PTPRM: variants seen among roughly 807,000 people sequenced by gnomAD.
PTPRM encodes protein tyrosine phosphatase receptor type M, also known as receptor-type tyrosine-protein phosphatase mu.
In PTPRM, 47 loss-of-function variants were observed where a neutral mutation model predicts 186.7. That is an observed-to-expected ratio of 0.25 (90% CI 0.20 to 0.32). The LOEUF is 0.32. Ranked by LOEUF, PTPRM falls within the 10% of genes least tolerant of loss-of-function variation. The probability of loss-of-function intolerance (pLI) is 1.00; values close to 1 mark genes in which losing one functional copy is unlikely to be tolerated. For missense variants in PTPRM, 1,494 were observed against 1,865.0 expected (o/e 0.80, Z 3.66); for synonymous variants, 668 against 674.9 (o/e 0.99, Z 0.16).
At chr18:7,952,811 G>C (rs896779128) in intron 6 of PTPRM, among the ~76,000 whole-genome samples, 1 of 152,122 alleles carries the variant, frequency 6.6e-6, no homozygotes, top group African/African-American at 2.4e-5. Flanking sequence ...TTCGAGACCA[G>C]CCCGGCCAAC....
At chr18:7,696,818 A>G (rs1598391244) in intron 1 of PTPRM, among the ~76,000 whole-genome samples, 1 of 152,326 alleles carries the variant, frequency 6.6e-6, no homozygotes, top group East Asian at 1.9e-4. Flanking sequence ...ACAGAACCAA[A>G]TGACATAGTA....
At chr18:8,121,803 A>G (rs1320963946) in intron 13 of PTPRM, 1 of 152,246 alleles carries the variant, frequency 6.6e-6, no homozygotes, top group African/African-American at 2.4e-5. Context: ...GATTTCAACA[A>G]TAGAATGTTG....
intron 22 of PTPRM, among the ~76,000 whole-genome samples, chr18:8,342,125 G>T (rs1423476494): frequency 6.6e-6 from 1 of 152,186 alleles, no homozygotes; most frequent in South Asian, 2.1e-4. Flanking sequence ...GGAGGAAGGA[G>T]AAGAAACATT....
intron 14 of PTPRM, among the ~76,000 whole-genome samples, chr18:8,242,024 C>T (rs750440535): frequency 5.2e-4 from 79 of 152,194 alleles, no homozygotes; most frequent in Non-Finnish European, 8.4e-4. Flanking sequence ...TTTTCCAGTA[C>T]AAGCATAGCT....
chr18:8,099,386 A>G (rs2091181826), intron 11 of PTPRM, among the ~76,000 whole-genome samples: 2 of 152,020 alleles, frequency 1.3e-5, no homozygotes, highest in African/African-American at 4.8e-5. Flanking sequence ...TGTATTTCCA[A>G]TCCTGGTTCT....
intron 7 of PTPRM, among the ~76,000 whole-genome samples, chr18:8,040,984 A>G (rs995185354): frequency 2.0e-5 from 3 of 152,118 alleles, no homozygotes; most frequent in Admixed American, 2.0e-4. Flanking sequence ...GGGTTCAGTA[A>G]AGTCTTGTCT....
chr18:7,610,560 G>A (rs2037647609), intron 1 of PTPRM, among the ~76,000 whole-genome samples: 1 of 152,138 alleles, frequency 6.6e-6, no homozygotes, highest in Admixed American at 6.5e-5. Context: ...CATTGTTTTG[G>A]TCAACAGTGG....
At chr18:7,746,798 G>A (rs979160858) in intron 1 of PTPRM, among the ~76,000 whole-genome samples, 19 of 152,144 alleles carry the variant, frequency 1.2e-4, no homozygotes, top group Non-Finnish European at 2.2e-4. Context: ...ACAGTAAGAC[G>A]CTTCCTTTCC....
chr18:7,886,114 T>C (rs1487414336), intron 2 of PTPRM, among the ~76,000 whole-genome samples: 1 of 152,214 alleles, frequency 6.6e-6, no homozygotes, highest in East Asian at 1.9e-4. Flanking sequence ...ATGTCATGCC[T>C]CAGCTCCACC....
At position 8,086,101 on chromosome 18, in the gene PTPRM, G is replaced by T. The variant is rs535856947; in HGVS notation, c.1753+229G>T. Reference sequence around the variant, plus strand: ...GAAGTGGCTATTGTTTTAGCAGGGCGTCTTGGAGGACTTGGGCATGAGGCA... The same window carrying T: ...GAAGTGGCTATTGTTTTAGCAGGGCTTCTTGGAGGACTTGGGCATGAGGCA... On this transcript the variant is annotated intron_variant, in intron 10 of 32. Transcript: ENST00000580170. Among the ~76,000 whole-genome samples, 6 of 152,138 alleles carry T rather than the reference G, an allele frequency of 3.9e-5. No homozygotes were observed. In the East Asian group the frequency reaches 1.2e-3, roughly 29 times the overall value.
chr18:8,191,240 A>G (rs2093705365), intron 14 of PTPRM, among the ~76,000 whole-genome samples: 1 of 152,180 alleles, frequency 6.6e-6, no homozygotes, highest in African/African-American at 2.4e-5. Flanking sequence ...TGTGCCCTGC[A>G]AACTCTTAAT....
At chr18:8,176,342 G>T (rs2146524157) in intron 14 of PTPRM, among the ~76,000 whole-genome samples, 1 of 152,340 alleles carries the variant, frequency 6.6e-6, no homozygotes, top group African/African-American at 2.4e-5. Flanking sequence ...TCTATTGCCA[G>T]TGATTTCAGA....
chr18:7,660,981 GA>G (rs200628122), intron 1 of PTPRM, among the ~76,000 whole-genome samples: 3 of 148,850 alleles, frequency 2.0e-5, no homozygotes, highest in Non-Finnish European at 3.0e-5. Flanking sequence ...AAAAAAGAAA[GA>G]AAAAAAAAGC....
intron 13 of PTPRM, among the ~76,000 whole-genome samples, chr18:8,120,988 T>C (rs571140252): frequency 6.6e-6 from 1 of 152,212 alleles, no homozygotes; most frequent in Non-Finnish European, 1.5e-5. Flanking sequence ...CATTTTACTG[T>C]GTACAGCTTA....
chr18:8,091,256 G>T (rs1252825262), intron 11 of PTPRM, among the ~76,000 whole-genome samples: 1 of 152,016 alleles, frequency 6.6e-6, no homozygotes, highest in Non-Finnish European at 1.5e-5. Flanking sequence ...TAACATCCCG[G>T]TTTCCAAGTT....
intron 7 of PTPRM, among the ~76,000 whole-genome samples, chr18:8,009,438 G>C (rs761385390): frequency 3.9e-5 from 6 of 152,008 alleles, no homozygotes; most frequent in Admixed American, 3.9e-4. Context: ...GGCCGAGCGC[G>C]GTGGCCCATG....
chr18:8,230,044 C>G (rs11659503), intron 14 of PTPRM, among the ~76,000 whole-genome samples: 2 of 151,908 alleles, frequency 1.3e-5, no homozygotes, highest in African/African-American at 2.4e-5. Flanking sequence ...CCGTTTCTCA[C>G]TTGGTGAGGT....
chr18:8,041,346 A>C (rs16952774), intron 7 of PTPRM, among the ~76,000 whole-genome samples: 4,766 of 152,154 alleles, frequency 0.031, 231 homozygotes, highest in African/African-American at 0.11. Context: ...TTACTCTTTC[A>C]GCTCCTTGGT....
At chr18:7,628,309 A>G (rs1286561909) in intron 1 of PTPRM, among the ~76,000 whole-genome samples, 1 of 152,248 alleles carries the variant, frequency 6.6e-6, no homozygotes, top group Non-Finnish European at 1.5e-5. Flanking sequence ...TCCAGAAACA[A>G]AAAAAGATAA....
Sources: allele counts gnomAD v4.1 joint callset (sites outside exome capture counted in the v4.1 genomes callset), GRCh38; gene constraint gnomAD v4.1.1; transcripts MANE v1.5; gene names NCBI Gene and HGNC (gene_info 2026-07-23, HGNC 2026-07-21).